LHFPL3: variants seen among roughly 807,000 people sequenced by gnomAD.
LHFPL3 encodes the protein LHFPL tetraspan subfamily member 3 protein.
Under a neutral mutation model 19.3 loss-of-function variants are expected in LHFPL3, and 5 were observed. The observed-to-expected ratio is 0.26, with a 90% confidence interval of 0.14 to 0.54. The LOEUF is 0.54. LHFPL3 is among the 20% of genes least tolerant of loss of function. LHFPL3 has a pLI of 0.94. For missense variants in LHFPL3, 249 were observed against 307.4 expected, an observed-to-expected ratio of 0.81 and a Z score of 1.42; for synonymous variants, 133 against 126.2, an observed-to-expected ratio of 1.05 and a Z score of -0.36.
rs74221432 is a variant in LHFPL3, at chr7:104,833,052, A to ATCTC, written c.683-73134_683-73133insCTCT. ...TATATTATATATATATATTATATAT[A>ATCTC]TATTATATATAATATATATATTATA... On this transcript the variant is annotated intron_variant, in intron 2 of 2. Coordinates refer to ENST00000424859, the MANE Select transcript of LHFPL3 (RefSeq NM_199000.3). Among the ~76,000 whole-genome samples, 70 of 7,204 alleles carry ATCTC rather than the reference A, an allele frequency of 9.7e-3. 11 individuals are homozygous for ATCTC. Among genetic ancestry groups the ATCTC allele is most frequent in the Admixed American group, 0.014 (5 of 368 alleles). 4.7% of individuals were successfully genotyped at this position (7,204 alleles called of 152,430 possible).
intron 1 of LHFPL3, among the ~76,000 whole-genome samples, chr7:104,614,602 T>TCTTCC (rs1429421524): frequency 1.7e-5 from 2 of 119,456 alleles, no homozygotes; most frequent in Non-Finnish European, 3.5e-5. Context: ...TCTTCTCTTC[T>TCTTCC]CTTCTCTTCT....
At chr7:104,633,822 T>A (rs1236764737) in intron 1 of LHFPL3, among the ~76,000 whole-genome samples, 1 of 152,310 alleles carries the variant, frequency 6.6e-6, no homozygotes, top group East Asian at 1.9e-4. Context: ...ACTACTAACG[T>A]TGCCAACACT....
intron 1 of LHFPL3, among the ~76,000 whole-genome samples, chr7:104,728,352 C>G (rs1326349197): frequency 6.6e-6 from 1 of 152,150 alleles, no homozygotes; most frequent in Non-Finnish European, 1.5e-5. Flanking sequence ...AGTCACAGAA[C>G]TCTAACTCAG....
At chr7:104,878,015 A>G (rs1338175742) in intron 2 of LHFPL3, among the ~76,000 whole-genome samples, 5 of 152,076 alleles carry the variant, frequency 3.3e-5, no homozygotes, top group Non-Finnish European at 1.5e-5. Context: ...TCTGTATTTT[A>G]GTAGAGACGG....
chr7:104,407,422 C>G (rs1283858550), intron 1 of LHFPL3, among the ~76,000 whole-genome samples: 1 of 152,200 alleles, frequency 6.6e-6, no homozygotes, highest in East Asian at 1.9e-4. Flanking sequence ...CTTGGGAGGC[C>G]AAGGTGGGCA....
intron 2 of LHFPL3, among the ~76,000 whole-genome samples, chr7:104,844,272 C>G (rs1473042374): frequency 6.6e-6 from 1 of 152,220 alleles, no homozygotes; most frequent in Non-Finnish European, 1.5e-5. Context: ...CTGTGAGGCA[C>G]CAGATGGAGG....
At chr7:104,791,195 G>A (rs1790016139) in intron 2 of LHFPL3, among the ~76,000 whole-genome samples, 1 of 152,208 alleles carries the variant, frequency 6.6e-6, no homozygotes, top group African/African-American at 2.4e-5. Flanking sequence ...AGGAGGGGTT[G>A]TCACTGGCTC....
chr7:104,427,168 C>T (rs889180768), intron 1 of LHFPL3, among the ~76,000 whole-genome samples: 3 of 152,128 alleles, frequency 2.0e-5, no homozygotes, highest in East Asian at 1.9e-4. Flanking sequence ...CGGTGGAAGA[C>T]GAGGTGCCAG....
intron 1 of LHFPL3, among the ~76,000 whole-genome samples, chr7:104,715,621 A>G (rs1793371046): frequency 6.6e-6 from 1 of 152,186 alleles, no homozygotes; most frequent in African/African-American, 2.4e-5. Flanking sequence ...AATTTTCTCA[A>G]GTGCTTTTCC....
chr7:104,408,709 A>T (rs1791470040), intron 1 of LHFPL3, among the ~76,000 whole-genome samples: 1 of 152,190 alleles, frequency 6.6e-6, no homozygotes, highest in African/African-American at 2.4e-5. Context: ...GCCAATGCTG[A>T]ACTGGGTAGT....
intron 2 of LHFPL3, among the ~76,000 whole-genome samples, chr7:104,741,841 G>C (rs913573780): frequency 3.9e-5 from 6 of 152,134 alleles, no homozygotes; most frequent in Non-Finnish European, 7.4e-5. Context: ...GCAATGTCCA[G>C]TGCCAACTAA....
At chr7:104,549,432 C>T (rs570929273) in intron 1 of LHFPL3, among the ~76,000 whole-genome samples, 15 of 147,286 alleles carry the variant, frequency 1.0e-4, no homozygotes, top group African/African-American at 3.0e-4. Context: ...CTCCTTTTGG[C>T]ACATGCCCTT....
At chr7:104,900,873 GAACA>G (rs1206978865) in intron 2 of LHFPL3, among the ~76,000 whole-genome samples, 1 of 152,218 alleles carries the variant, frequency 6.6e-6, no homozygotes, top group African/African-American at 2.4e-5. Flanking sequence ...AAATCTGACT[GAACA>G]AAGATCCAAA....
chr7:104,623,568 T>G (rs982630137), intron 1 of LHFPL3, among the ~76,000 whole-genome samples: 2 of 152,210 alleles, frequency 1.3e-5, no homozygotes, highest in African/African-American at 4.8e-5. Flanking sequence ...AGGAGGAGTT[T>G]GCAGTGAGCT....
intron 1 of LHFPL3, among the ~76,000 whole-genome samples, chr7:104,591,771 AC>A (rs761426234): frequency 2.6e-5 from 4 of 152,110 alleles, no homozygotes; most frequent in Non-Finnish European, 4.4e-5. Flanking sequence ...GTAGATTTGG[AC>A]TTTTCACATA....
chr7:104,740,584 G>A (rs1793915077), intron 2 of LHFPL3, among the ~76,000 whole-genome samples: 1 of 152,162 alleles, frequency 6.6e-6, no homozygotes. Flanking sequence ...GGCTGGGGAG[G>A]TCTCACAATC....
intron 2 of LHFPL3, among the ~76,000 whole-genome samples, chr7:104,745,032 C>T (rs924246890): frequency 4.6e-5 from 7 of 152,284 alleles, no homozygotes; most frequent in African/African-American, 7.2e-5. Flanking sequence ...ACAGCTTACC[C>T]GATACCCTTT....
chr7:104,708,169 C>T lies in LHFPL3; in HGVS notation c.446-28506C>T, dbSNP rs934085174. On this transcript the variant is annotated intron_variant, in intron 1 of 2. Transcript: ENST00000424859. ...AGAGAGCAAGGTCTTTGCCAACTTT[C>T]GCGGTCCATAGATCACTTTGGGTTT... Among the ~76,000 whole-genome samples the T allele has an allele frequency of 2.0e-5, 3 of 152,292 alleles. No homozygotes were observed. In the South Asian group the frequency reaches 6.2e-4, roughly 32 times the overall value.
At chr7:104,695,411 T>A (rs1470007232) in intron 1 of LHFPL3, among the ~76,000 whole-genome samples, 1 of 152,248 alleles carries the variant, frequency 6.6e-6, no homozygotes, top group East Asian at 1.9e-4. Context: ...AGAACACAGA[T>A]GAGACTCTTA....
Sources: allele counts gnomAD v4.1 joint callset (sites outside exome capture counted in the v4.1 genomes callset), GRCh38; gene constraint gnomAD v4.1.1; transcripts MANE v1.5; gene names NCBI Gene and HGNC (gene_info 2026-07-23, HGNC 2026-07-21).